The following DTNA variants were observed in gnomAD, a reference collection of about 807,000 sequenced individuals.
DTNA encodes dystrophin-related protein 3.
A neutral mutation model predicts 100.7 loss-of-function variants in DTNA; 43 were observed. The observed-to-expected ratio is 0.43, with a 90% confidence interval of 0.33 to 0.55. DTNA has a LOEUF of 0.55. Ranked by LOEUF, DTNA falls within the 20% of genes least tolerant of loss-of-function variation. The pLI is 0.04. For synonymous variants in DTNA, 349 were observed against 347.9 expected (o/e 1.00, Z -0.04); for missense variants, 798 against 953.9 (o/e 0.84, Z 2.15).
intron 1 of DTNA, among the ~76,000 whole-genome samples, chr18:34,657,409 A>T (rs957668312): frequency 8.5e-5 from 13 of 152,206 alleles, no homozygotes; most frequent in Admixed American, 2.6e-4. Context: ...AATGTGTTAT[A>T]AATCAGTCAG....
At chr18:34,563,380 C>A in intron 1 of DTNA, among the ~76,000 whole-genome samples, 1 of 152,312 alleles carries the variant, frequency 6.6e-6, no homozygotes, top group East Asian at 1.9e-4. Context: ...GGAACCAACC[C>A]TGCTGACATC....
rs560664249 is a variant in DTNA, at chr18:34,578,137, T to G, written c.-2+84623T>G. On this transcript the variant is annotated intron_variant, in intron 1 of 19. Transcript: ENST00000283365. ...CATCCACACCATAATCTACTATGTG[T>G]TTTTTTTTTATTTTTTTATTATGGC... Among the ~76,000 whole-genome samples the G allele has an allele frequency of 3.0e-3, 354 of 119,634 alleles. 4 individuals carry two copies. Among genetic ancestry groups the G allele is most frequent in the African/African-American group, 0.013 (325 of 24,856 alleles). 78.5% of individuals were successfully genotyped at this position (119,634 alleles called of 152,430 possible).
chr18:34,652,661 G>T (rs140255681), intron 1 of DTNA, among the ~76,000 whole-genome samples: 2 of 152,238 alleles, frequency 1.3e-5, no homozygotes, highest in African/African-American at 4.8e-5. Context: ...TTCTGTGAAG[G>T]TCCCCAGATG....
intron 1 of DTNA, among the ~76,000 whole-genome samples, chr18:34,517,460 C>CATTGTGTGT (rs57616989): frequency 2.7e-5 from 4 of 148,884 alleles, no homozygotes; most frequent in Non-Finnish European, 5.9e-5. Context: ...TTTATATACA[C>CATTGTGTGT]GTGTGTGTGT....
At chr18:34,541,433 G>A (rs1568617688) in intron 1 of DTNA, among the ~76,000 whole-genome samples, 1 of 152,016 alleles carries the variant, frequency 6.6e-6, no homozygotes, top group African/African-American at 2.4e-5. Flanking sequence ...AATCATGGGG[G>A]TGAGTTTTTC....
chr18:34,638,068 C>A lies in DTNA; in HGVS notation c.-1-117908C>A, dbSNP rs73414407. 5.0e-3 allele frequency among the ~76,000 whole-genome samples: 760 copies of A among 152,304 alleles called. 6 individuals carry two copies. The highest frequency in any genetic ancestry group is 0.017 in the African/African-American group (724 of 41,572). On this transcript the variant is annotated intron_variant, in intron 1 of 19. Coordinates refer to the DTNA transcript ENST00000283365. ...TGTCTGTCCTTTGATTACTACGTAGCCTCCTTTAGCTAGAAATTAAATGAA... is the reference window on the plus strand; with the variant it reads ...TGTCTGTCCTTTGATTACTACGTAGACTCCTTTAGCTAGAAATTAAATGAA...
chr18:34,794,117 A>G lies in DTNA; in HGVS notation c.229A>G (p.Asn77Asp), dbSNP rs147782267. ...LNNLDPNTEL[N>D]VSRLEAVLST... ...CAACCTGGACCCAAACACTGAACTCAACGTGTCCCGCTTAGAGGCTGTGCT... is the reference window on the plus strand; with the variant it reads ...CAACCTGGACCCAAACACTGAACTCGACGTGTCCCGCTTAGAGGCTGTGCT... The change falls in exon 4 of 23, where the codon AAC becomes GAC. Residue 77 changes from asparagine (N) to aspartate (D), a missense_variant. Physicochemically the swap from Asn to Asp is conservative, Grantham distance 23. This residue lies in a region of DTNA where 197 missense variants were observed against 215.4 expected (regional missense o/e 0.91). Transcript: ENST00000444659. 114 of 1,614,144 alleles carry G rather than the reference A, an allele frequency of 7.1e-5. No individual in the cohort carries two copies. Among genetic ancestry groups the G allele is most frequent in the East Asian group, 6.7e-5 (3 of 44,874 alleles).
chr18:34,667,613 A>C (rs2076125893), intron 1 of DTNA, among the ~76,000 whole-genome samples: 1 of 152,122 alleles, frequency 6.6e-6, no homozygotes, highest in African/African-American at 2.4e-5. Context: ...TACCTAATTT[A>C]TTGAGAGTTT....
chr18:34,872,425 G>A (rs915786716), intron 17 of DTNA, among the ~76,000 whole-genome samples: 1 of 152,134 alleles, frequency 6.6e-6, no homozygotes, highest in African/African-American at 2.4e-5. Flanking sequence ...GTGAAATATG[G>A]TCCATAGCCC....
chr18:34,529,020 G>T lies in DTNA; in HGVS notation c.-2+35506G>T, dbSNP rs1483816518. Among the ~76,000 whole-genome samples the T allele has an allele frequency of 2.0e-5, 3 of 152,064 alleles. No individual in the cohort carries two copies. The East Asian group carries it at 5.8e-4, about 29-fold the overall frequency. ...TTGATATGTAGGTGGCTGTCCACTG[G>T]CACTGCCTCTGCCCCTATTCCTTTC... On this transcript the variant is annotated intron_variant, in intron 1 of 19. Transcript: ENST00000283365.
chr18:34,599,973 C>T (rs909112275), intron 1 of DTNA, among the ~76,000 whole-genome samples: 2 of 152,124 alleles, frequency 1.3e-5, no homozygotes, highest in Admixed American at 1.3e-4. Flanking sequence ...CCACCGTGTC[C>T]AGCCAACAAA....
intron 21 of DTNA, among the ~76,000 whole-genome samples, chr18:34,884,248 CT>C (rs1014860818): frequency 4.0e-5 from 6 of 151,856 alleles, no homozygotes; most frequent in African/African-American, 1.2e-4. Flanking sequence ...TCTAGGGGTT[CT>C]TTTTTTTCTT....
At chr18:34,523,121 G>T (rs1356583476) in intron 1 of DTNA, among the ~76,000 whole-genome samples, 1 of 152,134 alleles carries the variant, frequency 6.6e-6, no homozygotes, top group African/African-American at 2.4e-5. Flanking sequence ...GCTGTGTCTT[G>T]CTCAAGCAGT....
intron 1 of DTNA, among the ~76,000 whole-genome samples, chr18:34,548,523 G>A (rs1056696000): frequency 6.6e-6 from 1 of 152,074 alleles, no homozygotes; most frequent in Non-Finnish European, 1.5e-5. Flanking sequence ...TCAGCATTTA[G>A]AGTATTGAAA....
intron 1 of DTNA, among the ~76,000 whole-genome samples, chr18:34,753,625 G>A (rs915965388): frequency 7.1e-5 from 10 of 141,190 alleles, no homozygotes; most frequent in African/African-American, 9.5e-5. Context: ...CTCGTGATCC[G>A]CCCGCCTCGG....
chr18:34,825,255 C>T lies in DTNA; in HGVS notation c.1002-2338C>T, dbSNP rs201631418. 40 of 1,613,232 alleles carry T rather than the reference C, an allele frequency of 2.5e-5. No homozygotes were observed. Among genetic ancestry groups the T allele is most frequent in the South Asian group, 3.3e-5 (3 of 91,044 alleles). On this transcript the variant is annotated intron_variant, in intron 9 of 22. Transcript: ENST00000444659. ...ACGGTCTCTATTCTGTTCAATTCTTCGCTGCCAAAAGTGATACTTGGTAAG... is the reference window on the plus strand; with the variant it reads ...ACGGTCTCTATTCTGTTCAATTCTTTGCTGCCAAAAGTGATACTTGGTAAG...
At chr18:34,493,609 G>GGCCGGGCT (rs2038776832) in intron 1 of DTNA, 5 of 151,046 alleles carry the variant, frequency 3.3e-5, no homozygotes, top group Admixed American at 2.0e-4. Flanking sequence ...GTGGGCGCGA[G>GGCCGGGCT]GCCGGGCTGC....
At chr18:34,537,466 A>G (rs1304096768) in intron 1 of DTNA, among the ~76,000 whole-genome samples, 1 of 152,036 alleles carries the variant, frequency 6.6e-6, no homozygotes, top group Non-Finnish European at 1.5e-5. Context: ...AGGAAATTGT[A>G]GTGCATTAAA....
chr18:34,746,514 T>C (rs1213619092), intron 1 of DTNA, among the ~76,000 whole-genome samples: 1 of 152,124 alleles, frequency 6.6e-6, no homozygotes, highest in Non-Finnish European at 1.5e-5. Context: ...TGCACACATG[T>C]ACACAGTCAT....
Sources: allele counts gnomAD v4.1 joint callset (sites outside exome capture counted in the v4.1 genomes callset), GRCh38; gene constraint gnomAD v4.1.1; regional missense constraint gnomAD v4.1.1; transcripts MANE v1.5; gene names NCBI Gene and HGNC (gene_info 2026-07-23, HGNC 2026-07-21).